FRMD4B: variants seen among roughly 807,000 people sequenced by gnomAD.
The protein encoded by FRMD4B is FERM domain-containing protein 4B.
Under a neutral mutation model 141.5 loss-of-function variants are expected in FRMD4B, and 74 were observed. That is an observed-to-expected ratio of 0.52 (90% CI 0.43 to 0.63). The LOEUF (loss-of-function observed/expected upper bound fraction) is 0.63, where lower values mean the gene tolerates loss of function less well. Ranked by LOEUF, FRMD4B falls within the 30% of genes least tolerant of loss-of-function variation. The pLI, the probability that FRMD4B is intolerant of heterozygous loss-of-function variation, is 0.00. For missense variants in FRMD4B, 1,366 were observed against 1,253.4 expected, an observed-to-expected ratio of 1.09 and a Z score of -1.36; for synonymous variants, 506 against 467.9, an observed-to-expected ratio of 1.08 and a Z score of -1.05.
At chr3:69,280,465 G>A (rs1286761863) in intron 5 of FRMD4B, among the ~76,000 whole-genome samples, 1 of 152,100 alleles carries the variant, frequency 6.6e-6, no homozygotes, top group African/African-American at 2.4e-5. Flanking sequence ...TTTGTCCCGA[G>A]TCCAGCCCAT....
chr3:69,315,677 A>G (rs1701783624), intron 1 of FRMD4B, among the ~76,000 whole-genome samples: 1 of 152,226 alleles, frequency 6.6e-6, no homozygotes, highest in Non-Finnish European at 1.5e-5. Flanking sequence ...TAAAGACTCT[A>G]TAGTATCAAT....
At chr3:69,512,391 A>G (rs1463388402) in intron 1 of FRMD4B, among the ~76,000 whole-genome samples, 1 of 152,244 alleles carries the variant, frequency 6.6e-6, no homozygotes, top group Admixed American at 6.5e-5. Context: ...TGGTAAAGCT[A>G]AAGTATTCAT....
chr3:69,492,422 G>A (rs1168732327), intron 1 of FRMD4B, among the ~76,000 whole-genome samples: 1 of 152,168 alleles, frequency 6.6e-6, no homozygotes, highest in Non-Finnish European at 1.5e-5. Flanking sequence ...ATTCTAACCT[G>A]AGCAGGTCTC....
chr3:69,329,746 G>C (rs1246554064), intron 1 of FRMD4B, among the ~76,000 whole-genome samples: 5 of 151,142 alleles, frequency 3.3e-5, no homozygotes, highest in African/African-American at 1.2e-4. Flanking sequence ...TGACCAGGCT[G>C]GTCTCAAACT....
intron 1 of FRMD4B, among the ~76,000 whole-genome samples, chr3:69,463,222 C>A (rs1705731902): frequency 6.6e-6 from 1 of 152,222 alleles, no homozygotes; most frequent in Non-Finnish European, 1.5e-5. Context: ...AACCACTGTT[C>A]TGATTTATTT....
At chr3:69,343,073 C>A (rs1194380122) in intron 1 of FRMD4B, among the ~76,000 whole-genome samples, 1 of 151,462 alleles carries the variant, frequency 6.6e-6, no homozygotes, top group African/African-American at 2.4e-5. Flanking sequence ...CCTGCTTCAA[C>A]CTCCCAAGTG....
chr3:69,525,226 T>C (rs1575600626), intron 1 of FRMD4B, among the ~76,000 whole-genome samples: 1 of 152,134 alleles, frequency 6.6e-6, no homozygotes. Flanking sequence ...CTCCTGGCTC[T>C]TGGCCATGAT....
At chr3:69,248,138 T>C (rs1357621396) in intron 7 of FRMD4B, among the ~76,000 whole-genome samples, 1 of 151,998 alleles carries the variant, frequency 6.6e-6, no homozygotes, top group African/African-American at 2.4e-5. Flanking sequence ...AACTACCTTA[T>C]ACTCTTGTTT....
intron 1 of FRMD4B, chr3:69,535,644 C>T (rs1701073570): frequency 4.7e-6 from 1 of 212,442 alleles, no homozygotes; most frequent in Non-Finnish European, 9.7e-6. Flanking sequence ...GGTCTCTCCG[C>T]CCCTGCCTCC....
intron 22 of FRMD4B, among the ~76,000 whole-genome samples, chr3:69,175,753 CTT>C (rs1365265652): frequency 1.4e-5 from 2 of 148,108 alleles, no homozygotes; most frequent in Non-Finnish European, 3.0e-5. Flanking sequence ...GGTTAGCAAA[CTT>C]TTTCTTTTCT....
At chr3:69,416,254 T>C (rs937268572) in intron 2 of FRMD4B, among the ~76,000 whole-genome samples, 1 of 152,206 alleles carries the variant, frequency 6.6e-6, no homozygotes, top group African/African-American at 2.4e-5. Context: ...CAAGGATCTT[T>C]CTGGGAGAAA....
At chr3:69,307,786 G>A (rs1233668491) in intron 3 of FRMD4B, among the ~76,000 whole-genome samples, 1 of 152,036 alleles carries the variant, frequency 6.6e-6, no homozygotes, top group Non-Finnish European at 1.5e-5. Flanking sequence ...CACAAACCTT[G>A]CAGTCTGAGG....
chr3:69,363,694 AT>A lies in FRMD4B; in HGVS notation c.162+22133del, dbSNP rs1226897055. ...GTGAGCCACTGCACCTGGCCCAGCC[AT>A]GCCTATTTTCAAGAACAGACAGCTT... On this transcript the variant is annotated intron_variant, in intron 1 of 22. Coordinates refer to ENST00000398540, the MANE Select transcript of FRMD4B (RefSeq NM_015123.3). Among the ~76,000 whole-genome samples, 4 of 152,284 alleles carry A rather than the reference AT, an allele frequency of 2.6e-5. 1 individual carries two copies. Among genetic ancestry groups the A allele is most frequent in the African/African-American group, 9.6e-5 (4 of 41,578 alleles).
intron 1 of FRMD4B, among the ~76,000 whole-genome samples, chr3:69,436,430 AAAGGAAAATAAG>A (rs1330996200): frequency 3.3e-5 from 5 of 152,238 alleles, no homozygotes; most frequent in African/African-American, 1.2e-4. Flanking sequence ...TTGGGGAATG[AAAGGAAAATAAG>A]AAGTGTTGGT....
intron 1 of FRMD4B, among the ~76,000 whole-genome samples, chr3:69,509,770 T>A (rs1706660198): frequency 6.6e-6 from 1 of 152,004 alleles, no homozygotes. Flanking sequence ...ATCAAGCAAA[T>A]CTATTGGTGC....
intron 1 of FRMD4B, among the ~76,000 whole-genome samples, chr3:69,365,505 G>GTTTTGTT (rs770172318): frequency 8.0e-5 from 11 of 137,862 alleles, no homozygotes; most frequent in African/African-American, 3.5e-4. Flanking sequence ...TACAACCTTT[G>GTTTTGTT]TTTTTTTTCT....
chr3:69,506,223 C>G (rs935382129), intron 1 of FRMD4B, among the ~76,000 whole-genome samples: 2 of 152,114 alleles, frequency 1.3e-5, no homozygotes, highest in Admixed American at 1.3e-4. Flanking sequence ...ATCTTCACCC[C>G]ACTTCCTCTT....
intron 1 of FRMD4B, among the ~76,000 whole-genome samples, chr3:69,321,425 C>T (rs1400511795): frequency 6.6e-6 from 1 of 152,114 alleles, no homozygotes; most frequent in East Asian, 1.9e-4. Flanking sequence ...AAAGGGCCTG[C>T]TTCATAAAAA....
chr3:69,246,194 A>G (rs2093424637), intron 7 of FRMD4B, among the ~76,000 whole-genome samples: 1 of 152,118 alleles, frequency 6.6e-6, no homozygotes, highest in African/African-American at 2.4e-5. Flanking sequence ...GATGGCTTGC[A>G]CCTGTAATCT....
Sources: gnomAD v4.1 joint callset for allele counts (sites outside exome capture counted in the v4.1 genomes callset) on GRCh38, gnomAD v4.1.1 for gene constraint, MANE v1.5 for transcripts, NCBI Gene and HGNC (gene_info 2026-07-23, HGNC 2026-07-21) for gene names.